The following PCDH15 variants were observed in gnomAD, a reference collection of about 807,000 sequenced individuals.
PCDH15 encodes the protein protocadherin related 15.
In PCDH15, 129 loss-of-function variants were observed where a neutral mutation model predicts 178.5. That is an observed-to-expected ratio of 0.72 (90% CI 0.63 to 0.84). The LOEUF is 0.84. Among genes scored for constraint, PCDH15 ranks in the 40% least tolerant of loss-of-function variants. The probability of loss-of-function intolerance (pLI) is 0.00; values close to 1 mark genes in which losing one functional copy is unlikely to be tolerated. For missense variants in PCDH15, 2,230 were observed against 2,099.9 expected, an observed-to-expected ratio of 1.06 and a Z score of -1.21; for synonymous variants, 800 against 732.0, an observed-to-expected ratio of 1.09 and a Z score of -1.50.
chr10:54,746,197 T>C (rs1480022904), intron 1 of PCDH15, among the ~76,000 whole-genome samples: 1 of 152,142 alleles, frequency 6.6e-6, no homozygotes, highest in African/African-American at 2.4e-5. Flanking sequence ...CATCCTGGCC[T>C]TTCTCCACCT....
chr10:54,563,872 C>T (rs188760968), intron 2 of PCDH15, among the ~76,000 whole-genome samples: 132 of 152,218 alleles, frequency 8.7e-4, no homozygotes, highest in African/African-American at 2.9e-3. Flanking sequence ...AATCTTATTC[C>T]TCTGGTCAGT....
At chr10:54,038,297 A>G (rs1702208011) in intron 18 of PCDH15, among the ~76,000 whole-genome samples, 4 of 151,984 alleles carry the variant, frequency 2.6e-5, no homozygotes, top group South Asian at 2.1e-4. Context: ...CTTGAAGAAA[A>G]AGCTATACTG....
intron 2 of PCDH15, among the ~76,000 whole-genome samples, chr10:54,611,532 T>C (rs1017946624): frequency 2.4e-4 from 37 of 151,962 alleles, no homozygotes; most frequent in Middle Eastern, 3.4e-3. Flanking sequence ...GCTGAGATAA[T>C]GGCCCACTAG....
At chr10:55,310,254 C>T (rs943058582) in intron 1 of PCDH15, among the ~76,000 whole-genome samples, 1 of 152,078 alleles carries the variant, frequency 6.6e-6, no homozygotes, top group African/African-American at 2.4e-5. Context: ...GGAAATATTT[C>T]TATTTTATTA....
In PCDH15 at chr10:55,489,330, C is replaced by A. The variant is rs1193608307; in HGVS notation, c.-156+138295G>T. Among the ~76,000 whole-genome samples, 3 of 151,596 alleles carry A rather than the reference C, an allele frequency of 2.0e-5. No individual in the cohort carries two copies. In the East Asian group the frequency reaches 5.9e-4, roughly 30 times the overall value. ...TAACAGGTTAGTCTTACCATACCAG[C>A]AGTTAGAAAATTACCTCTGTCTTAA... On this transcript the variant is annotated intron_variant, in intron 2 of 5. Transcript: ENST00000613346.
In PCDH15 at chr10:55,075,366, ATT is replaced by A. The variant is rs34779284; in HGVS notation, c.-80+91208_-80+91209del. The stretch of plus-strand genomic sequence containing the variant: ...ATAACAGATTATCAATTTTGTTTAA[ATT>A]TTTTTTTTTTTTTTTTGAGATGGAG... On this transcript the variant is annotated intron_variant, in intron 2 of 5. Coordinates refer to the PCDH15 transcript ENST00000458638. Among the ~76,000 whole-genome samples, 1,082 of 132,272 alleles carry A rather than the reference ATT, an allele frequency of 8.2e-3. 6 individuals carry two copies. Among genetic ancestry groups the A allele is most frequent in the African/African-American group, 0.027 (945 of 35,276 alleles). 86.8% of individuals were successfully genotyped at this position (132,272 alleles called of 152,430 possible). A position where few individuals can be genotyped will look rare whatever the true frequency, so the allele number is the denominator to read the frequency against.
intron 2 of PCDH15, chr10:55,512,948 T>G (rs1589097947): frequency 6.6e-6 from 1 of 152,228 alleles, no homozygotes; most frequent in African/African-American, 2.4e-5. Flanking sequence ...CTTTAACTCG[T>G]TTTACAGCAG....
chr10:54,861,476 A>G (rs1458788155), intron 3 of PCDH15, among the ~76,000 whole-genome samples: 2 of 152,200 alleles, frequency 1.3e-5, no homozygotes, highest in African/African-American at 4.8e-5. Context: ...TCTGTAACAA[A>G]AGATTTCCTA....
At chr10:54,607,740 G>A in intron 2 of PCDH15, 1 of 318,344 alleles carries the variant, frequency 3.1e-6, no homozygotes, top group South Asian at 3.1e-5. Context: ...ATATTAGATT[G>A]CTCAATAAAT....
upstream of PCDH15, among the ~76,000 whole-genome samples, chr10:55,321,055 T>C (rs995600186): frequency 2.0e-5 from 3 of 149,400 alleles, no homozygotes; most frequent in African/African-American, 7.4e-5. Flanking sequence ...TTTCACTACA[T>C]AGGAGATGAA....
chr10:54,392,609 AAAT>A (rs1950694394), intron 3 of PCDH15, among the ~76,000 whole-genome samples: 1 of 151,936 alleles, frequency 6.6e-6, no homozygotes, highest in African/African-American at 2.4e-5. Flanking sequence ...CTCCAAAAAA[AAAT>A]CTGTGGCCAG....
At chr10:55,357,621 G>A (rs1845112825) in intron 2 of PCDH15, among the ~76,000 whole-genome samples, 1 of 151,942 alleles carries the variant, frequency 6.6e-6, no homozygotes, top group Non-Finnish European at 1.5e-5. Context: ...GCTCTTTGTA[G>A]TATCTAGCAC....
chr10:55,030,954 G>T (rs1840595645), intron 2 of PCDH15, among the ~76,000 whole-genome samples: 1 of 151,130 alleles, frequency 6.6e-6, no homozygotes, highest in South Asian at 2.1e-4. Flanking sequence ...TAGGATAAGA[G>T]AATTAGAAAA....
intron 29 of PCDH15, among the ~76,000 whole-genome samples, chr10:53,838,994 G>A (rs531581999): frequency 7.6e-4 from 115 of 152,052 alleles, no homozygotes; most frequent in South Asian, 5.6e-3. Flanking sequence ...CACCAGGTAA[G>A]GAGATCGAGA....
chr10:54,317,422 T>C lies in PCDH15; in HGVS notation c.725A>G (p.Asn242Ser). The C allele has an allele frequency of 6.2e-7, 1 of 1,613,904 alleles. No homozygotes were observed. Among genetic ancestry groups the C allele is most frequent in the South Asian group, 1.1e-5 (1 of 91,080 alleles). The part of the protein sequence containing the change: ...IQANDRAQNL[N>S]ERRTTTTTLT... The stretch of plus-strand genomic sequence containing the variant: ...AGTGGTGGTGGTGGTTCGCCTCTCA[T>C]TCAGATTTTGGGCACGGTCCTGTTA... Residue 242 changes from asparagine to serine, a missense_variant, in exon 8 of 38, where the codon AAT becomes AGT. Asn to Ser is a conservative substitution (Grantham distance 46). Transcript: ENST00000644397.
chr10:54,184,396 T>C (rs1198809108), intron 12 of PCDH15, among the ~76,000 whole-genome samples: 2 of 152,134 alleles, frequency 1.3e-5, no homozygotes, highest in Non-Finnish European at 2.9e-5. Context: ...ATTTTTTCTT[T>C]ATCCAACTGT....
intron 3 of PCDH15, among the ~76,000 whole-genome samples, chr10:54,492,273 T>C (rs2079666042): frequency 6.6e-6 from 1 of 152,088 alleles, no homozygotes; most frequent in Non-Finnish European, 1.5e-5. Flanking sequence ...CCACTCCCAG[T>C]AGAGAGATGT....
chr10:54,995,098 C>T (rs561317282), intron 2 of PCDH15, among the ~76,000 whole-genome samples: 30 of 151,974 alleles, frequency 2.0e-4, no homozygotes, highest in Middle Eastern at 3.4e-3. Flanking sequence ...TAGTTTAGGC[C>T]GGGCACGGTG....
At chr10:54,228,694 GA>G (rs2053731297) in intron 9 of PCDH15, among the ~76,000 whole-genome samples, 1 of 152,184 alleles carries the variant, frequency 6.6e-6, no homozygotes, top group Non-Finnish European at 1.5e-5. Context: ...TCCAGTTCAA[GA>G]AGAGAGAACT....
Sources: gnomAD v4.1 joint callset for allele counts (sites outside exome capture counted in the v4.1 genomes callset) on GRCh38, gnomAD v4.1.1 for gene constraint, MANE v1.5 for transcripts, NCBI Gene and HGNC (gene_info 2026-07-23, HGNC 2026-07-21) for gene names.